The following RBM46 variants were observed in gnomAD, a reference collection of about 807,000 sequenced individuals.
RBM46 encodes the protein RNA binding motif protein 46, also known as probable RNA-binding protein 46.
RBM46 carries 12 observed loss-of-function variants against 43.3 expected under a neutral mutation model. The observed-to-expected ratio is 0.28, with a 90% confidence interval of 0.18 to 0.45. RBM46 has a LOEUF of 0.45. RBM46 is among the 20% of genes least tolerant of loss of function. RBM46 has a pLI of 1.00. For missense variants in RBM46, 412 were observed against 639.1 expected (o/e 0.64, Z 3.83); for synonymous variants, 205 against 207.6 (o/e 0.99, Z 0.11).
At position 154,799,254 on chromosome 4, in the gene RBM46, A is replaced by G. The variant is rs1734499824; in HGVS notation, c.1092A>G (p.Glu364=). ...GTCAGCATAGCCCAAGTCCGCCTGA[A>G]GTTGAAAGATGCACTTACCCTTTTT... The part of the protein sequence containing the change: ...LNGQHSPSPP[E]VERCTYPFYP... The change falls in exon 4 of 5, where the codon GAA becomes GAG. Residue 364 remains glutamate, a synonymous_variant. Transcript: ENST00000281722. 3 of 1,614,208 alleles carry G rather than the reference A, an allele frequency of 1.9e-6. No individual in the cohort carries two copies. In the East Asian group the frequency reaches 6.7e-5, roughly 36 times the overall value.
chr4:154,788,206 G>C (rs988311618), intron 1 of RBM46, among the ~76,000 whole-genome samples: 5 of 151,994 alleles, frequency 3.3e-5, no homozygotes, highest in African/African-American at 7.2e-5. Context: ...TCCCATTTGT[G>C]AATTTTGGCT....
chr4:154,796,918 A>G lies in RBM46; in HGVS notation c.151+15A>G, dbSNP rs770824604. The stretch of plus-strand genomic sequence containing the variant: ...TCCTCCTCCAGGTGTGGATTTGTTT[A>G]CAGTCTTTTAAATTTAATCTTTAAC... On this transcript the variant is annotated intron_variant, in intron 2 of 4. Transcript: ENST00000281722. 1.2e-6 allele frequency: 2 copies of G among 1,605,486 alleles called. No homozygotes were observed. Among genetic ancestry groups the G allele is most frequent in the South Asian group, 2.2e-5 (2 of 89,442 alleles).
intron 4 of RBM46, among the ~76,000 whole-genome samples, chr4:154,803,702 CAAAAAAAAAAA>C (rs35506499): frequency 2.2e-4 from 9 of 41,324 alleles, no homozygotes; most frequent in African/African-American, 7.9e-4. Flanking sequence ...GACTACGTCT[CAAAAAAAAAAA>C]AAAAAAAAAA....
intron 4 of RBM46, among the ~76,000 whole-genome samples, chr4:154,811,383 G>A (rs552126619): frequency 6.6e-6 from 1 of 152,118 alleles, no homozygotes; most frequent in East Asian, 1.9e-4. Context: ...TTGTAAAATA[G>A]GAATGATGAT....
chr4:154,794,401 C>T (rs184315470), intron 1 of RBM46, among the ~76,000 whole-genome samples: 13 of 152,070 alleles, frequency 8.5e-5, no homozygotes, highest in African/African-American at 2.9e-4. Flanking sequence ...AGGATGATCT[C>T]GACCTCCTGA....
intron 1 of RBM46, among the ~76,000 whole-genome samples, chr4:154,783,171 C>G (rs755119027): frequency 3.3e-5 from 5 of 152,196 alleles, no homozygotes; most frequent in Non-Finnish European, 5.9e-5. Context: ...CCTGCAATCA[C>G]TAAATATTAA....
At chr4:154,813,617 T>G (rs1408339973) in intron 4 of RBM46, among the ~76,000 whole-genome samples, 2 of 152,086 alleles carry the variant, frequency 1.3e-5, no homozygotes, top group African/African-American at 4.8e-5. Flanking sequence ...TAACGTTTGA[T>G]CAAGGCTTCA....
At chr4:154,783,047 C>T (rs1037027378) in intron 1 of RBM46, among the ~76,000 whole-genome samples, 1 of 152,134 alleles carries the variant, frequency 6.6e-6, no homozygotes, top group African/African-American at 2.4e-5. Flanking sequence ...GACTTGTTTT[C>T]AGGGCACACG....
chr4:154,809,244 A>G (rs1456729949), intron 4 of RBM46, among the ~76,000 whole-genome samples: 2 of 151,792 alleles, frequency 1.3e-5, no homozygotes. Context: ...GGGTGTTGCT[A>G]CATTAGCTAA....
intron 1 of RBM46, among the ~76,000 whole-genome samples, chr4:154,784,455 T>TA (rs1208367141): frequency 1.2e-4 from 19 of 152,334 alleles, no homozygotes; most frequent in African/African-American, 4.6e-4. Flanking sequence ...CACTTAAAGA[T>TA]AAAGGCTTGA....
intron 1 of RBM46, among the ~76,000 whole-genome samples, chr4:154,793,017 A>G (rs537886702): frequency 1.3e-5 from 2 of 152,310 alleles, no homozygotes; most frequent in African/African-American, 4.8e-5. Flanking sequence ...AATGATAACT[A>G]CCAGTAAAGT....
At chr4:154,784,686 T>G (rs1733673645) in intron 1 of RBM46, among the ~76,000 whole-genome samples, 1 of 152,228 alleles carries the variant, frequency 6.6e-6, no homozygotes, top group African/African-American at 2.4e-5. Context: ...CAAAACCATT[T>G]TTGACATTCT....
At chr4:154,803,582 A>G (rs1219979930) in intron 4 of RBM46, among the ~76,000 whole-genome samples, 3 of 151,682 alleles carry the variant, frequency 2.0e-5, no homozygotes, top group African/African-American at 7.3e-5. Context: ...AGGCGCCTGT[A>G]GTCCCAGCTA....
chr4:154,795,934 G>A (rs1197775157), intron 1 of RBM46, among the ~76,000 whole-genome samples: 1 of 152,118 alleles, frequency 6.6e-6, no homozygotes, highest in Non-Finnish European at 1.5e-5. Context: ...TAGGTGGGTG[G>A]ATTGCTTGAG....
intron 4 of RBM46, among the ~76,000 whole-genome samples, chr4:154,823,987 C>T (rs965422533): frequency 1.3e-5 from 2 of 151,862 alleles, no homozygotes; most frequent in Admixed American, 6.6e-5. Context: ...TTGTATATAT[C>T]AAATTTGTTC....
intron 1 of RBM46, among the ~76,000 whole-genome samples, chr4:154,790,012 A>G (rs144799150): frequency 2.6e-5 from 4 of 152,028 alleles, no homozygotes; most frequent in Non-Finnish European, 4.4e-5. Context: ...TGTGAGATCG[A>G]TGGTGATATC....
intron 4 of RBM46, among the ~76,000 whole-genome samples, chr4:154,802,050 C>G (rs1459667800): frequency 6.6e-6 from 1 of 152,122 alleles, no homozygotes; most frequent in Non-Finnish European, 1.5e-5. Flanking sequence ...AGGCTCAGAA[C>G]AGTTAATATA....
Position 154,828,657 on chromosome 4 carries a change from G to A in RBM46, c.*590G>A, listed in dbSNP as rs1443129400. On this transcript the variant is annotated 3_prime_UTR_variant, in exon 5 of 5. Coordinates refer to ENST00000281722, the MANE Select transcript of RBM46 (RefSeq NM_144979.5). ...TTTGTTAGACACAAATTATAATTTT[G>A]TTGTTAATGTATTTAAGCATTTTAT... is the stretch of plus-strand genomic sequence containing the variant. 1 of 152,394 alleles carries A rather than the reference G, an allele frequency of 6.6e-6. No homozygotes were observed. The highest frequency in any genetic ancestry group is 1.5e-5 in the Non-Finnish European group (1 of 67,988). 9.4% of individuals were successfully genotyped at this position (152,394 alleles called of 1,614,324 possible). A position where few individuals can be genotyped will look rare whatever the true frequency, so the allele number is the denominator to read the frequency against.
At chr4:154,811,651 ATGTGTGTGTGTGTGTGTCTGTGTGTG>A (rs1338861044) in intron 4 of RBM46, among the ~76,000 whole-genome samples, 2 of 132,616 alleles carry the variant, frequency 1.5e-5, no homozygotes, top group East Asian at 4.4e-4. Context: ...TAGATAGGAT[ATGTGTGTGTGTGTGTGTCTGTGTGTG>A]TGTGTGTGTG....
Sources: allele counts gnomAD v4.1 joint callset (sites outside exome capture counted in the v4.1 genomes callset), GRCh38; gene constraint gnomAD v4.1.1; transcripts MANE v1.5; gene names NCBI Gene and HGNC (gene_info 2026-07-23, HGNC 2026-07-21).